BCORL1: variants seen among roughly 807,000 people sequenced by gnomAD.
BCORL1 encodes the protein BCL6 corepressor like 1, also known as BCL-6 corepressor-like protein 1.
Under a neutral mutation model 87.6 loss-of-function variants are expected in BCORL1, and 7 were observed. That is an observed-to-expected ratio of 0.08 (90% CI 0.05 to 0.15). The LOEUF (loss-of-function observed/expected upper bound fraction) is 0.15, where lower values mean the gene tolerates loss of function less well. BCORL1 is among the 10% of genes least tolerant of loss of function. The probability of loss-of-function intolerance (pLI) is 1.00; values close to 1 mark genes in which losing one functional copy is unlikely to be tolerated. For synonymous variants in BCORL1, 591 were observed against 634.4 expected (o/e 0.93, Z 1.03); for missense variants, 1,215 against 1,499.7 (o/e 0.81, Z 3.13).
intron 12 of BCORL1, 65 bp downstream of exon 12, chrX:130,050,859 T>C (rs1034740110): frequency 4.1e-5 from 41 of 990,851 alleles, no homozygotes; most frequent in Non-Finnish European, 5.8e-5. Flanking sequence ...TGTGGTGGTA[T>C]CCCTTCTTCA....
chrX:130,054,585 A>G (rs988865428), intron 13 of BCORL1, among the ~76,000 whole-genome samples: 1 of 110,687 alleles, frequency 9.0e-6, no homozygotes, highest in African/African-American at 3.3e-5. Context: ...CTGGGTGGAC[A>G]TTGGGCTGAA....
chrX:130,055,908 G>A lies in BCORL1; in HGVS notation c.5130G>A (p.Ser1710=), dbSNP rs904492796. ...TCTTGAAGAGGCTGAAGCTTTCCTC[G>A]AGGATCTTTCAGGCCCGGTTCCCGC... ...SDVLKRLKLS[S]RIFQARFPHF... The change falls in exon 14 of 14, where the codon TCG becomes TCA. Residue 1710 remains serine, a synonymous_variant. Coordinates refer to ENST00000540052, the MANE Select transcript of BCORL1 (RefSeq NM_001379451.1). 5.0e-6 allele frequency: 6 copies of A among 1,211,812 alleles called. No homozygotes were observed. The highest frequency in any genetic ancestry group is 5.9e-5 in the East Asian group (2 of 33,847).
chrX:130,050,609 C>G, intron 11 of BCORL1, 108 bp from the exon 12 acceptor site: 7 of 641,874 alleles, frequency 1.1e-5, no homozygotes, highest in Non-Finnish European at 1.8e-5. Context: ...CTCTTGTGGT[C>G]CTTCCTTCCC....
In BCORL1 at chrX:130,056,211, G is replaced by C. The variant is rs1055919357; in HGVS notation, c.*75G>C. On this transcript the variant is annotated 3_prime_UTR_variant, in exon 14 of 14. Coordinates refer to ENST00000540052, the MANE Select transcript of BCORL1 (RefSeq NM_001379451.1). Reference sequence around the variant, plus strand: ...CCCACCTCCTTGTCTTTCCCCGACCGAGCACCAGACTGCAGAATGAGGCAA... The same window carrying C: ...CCCACCTCCTTGTCTTTCCCCGACCCAGCACCAGACTGCAGAATGAGGCAA... The C allele has an allele frequency of 5.9e-6, 6 of 1,021,780 alleles. No homozygotes were observed. The highest frequency in any genetic ancestry group is 7.8e-6 in the Non-Finnish European group (6 of 773,214). 84.2% of individuals were successfully genotyped at this position (1,021,780 alleles called of 1,213,427 possible).
At chrX:130,004,603 C>T (rs1343629853) in intron 1 of BCORL1, among the ~76,000 whole-genome samples, 1 of 111,765 alleles carries the variant, frequency 8.9e-6, no homozygotes, top group African/African-American at 3.3e-5. Flanking sequence ...TGGTGGTCAG[C>T]GTGCAAGGAG....
intron 1 of BCORL1, among the ~76,000 whole-genome samples, chrX:129,985,444 G>A (rs770478116): frequency 9.9e-5 from 11 of 111,528 alleles, no homozygotes; most frequent in Non-Finnish European, 1.7e-4. Context: ...ACAGTATGTA[G>A]GAGAGAAATT....
At position 130,035,182 on chromosome X, in the gene BCORL1, G is replaced by A. The variant is rs148607267; in HGVS notation, c.4527+506G>A. 3.8e-3 allele frequency among the ~76,000 whole-genome samples: 430 copies of A among 112,168 alleles called. 2 individuals carry two copies. Among genetic ancestry groups the A allele is most frequent in the Admixed American group, 8.7e-3 (92 of 10,550 alleles). On this transcript the variant is annotated intron_variant, in intron 9 of 13. Coordinates refer to ENST00000540052, the MANE Select transcript of BCORL1 (RefSeq NM_001379451.1). ...GAGCACTTCTTTTGTCATGTGAAGA[G>A]CCTGATTACTTTGTATCATTTAATC...
At chrX:130,028,586 T>A (rs1187261544) in intron 7 of BCORL1, 49 bp from the exon 8 acceptor site, 4 of 1,090,987 alleles carry the variant, frequency 3.7e-6, no homozygotes, top group Non-Finnish European at 5.0e-6. Context: ...GTTGCTTTTC[T>A]GTGTTCCATT....
intron 1 of BCORL1, among the ~76,000 whole-genome samples, chrX:130,000,595 G>C (rs960770931): frequency 4.5e-5 from 5 of 112,243 alleles, no homozygotes; most frequent in African/African-American, 1.6e-4. Flanking sequence ...CCAGACAGAT[G>C]TTATAGCTGG....
In BCORL1 at chrX:130,057,405, G is replaced by C. The variant is rs188815223; in HGVS notation, c.*1269G>C. On this transcript the variant is annotated 3_prime_UTR_variant, in exon 14 of 14. Coordinates refer to ENST00000540052, the MANE Select transcript of BCORL1 (RefSeq NM_001379451.1). ...GGGCCTCCAGCGCTGGGTTTGTCGA[G>C]TGAGAGAGAGAGAGGAGCTTGGGTT... 9.2e-3 allele frequency: 1,027 copies of C among 112,014 alleles called. 8 individuals are homozygous for C. The highest frequency in any genetic ancestry group is 0.01 in the Non-Finnish European group (548 of 53,157). 9.2% of individuals were successfully genotyped at this position (112,014 alleles called of 1,213,427 possible).
At chrX:130,038,412 A>G (rs1931086783) in intron 10 of BCORL1, among the ~76,000 whole-genome samples, 1 of 109,914 alleles carries the variant, frequency 9.1e-6, no homozygotes, top group Non-Finnish European at 1.9e-5. Context: ...CCTTCTGCTC[A>G]TCTCTGCTCT....
chrX:130,021,353 G>T, intron 5 of BCORL1: 1 of 686,278 alleles, frequency 1.5e-6, no homozygotes, highest in African/African-American at 2.4e-5. Flanking sequence ...CCTCCTGGGT[G>T]CTAGAATAAG....
chrX:129,988,321 G>A (rs1402318590), intron 1 of BCORL1, among the ~76,000 whole-genome samples: 1 of 111,295 alleles, frequency 9.0e-6, no homozygotes, highest in Non-Finnish European at 1.9e-5. Flanking sequence ...TTTCTTTGGC[G>A]AACTGAAGTT....
intron 1 of BCORL1, among the ~76,000 whole-genome samples, chrX:129,993,931 C>G: frequency 1.5e-4 from 1 of 6,669 alleles, no homozygotes; most frequent in African/African-American, 1.6e-4. Flanking sequence ...ATTACAGATG[C>G]CCCCCCACCA....
At position 130,023,498 on chromosome X, in the gene BCORL1, C is replaced by A. The variant is rs191244054; in HGVS notation, c.3688+521C>A. 6.3e-4 allele frequency among the ~76,000 whole-genome samples: 71 copies of A among 112,182 alleles called. 2 individuals are homozygous for A. In the East Asian group the frequency reaches 0.019, roughly 29 times the overall value. On this transcript the variant is annotated intron_variant, in intron 6 of 13. Coordinates refer to ENST00000540052, the MANE Select transcript of BCORL1 (RefSeq NM_001379451.1). Reference sequence around the variant, plus strand: ...GCTAGCCCTTTCTAGCCACCACTACCTTCTGCTAGCCTCCACACTGGTATC... The same window carrying A: ...GCTAGCCCTTTCTAGCCACCACTACATTCTGCTAGCCTCCACACTGGTATC...
chrX:130,056,190 C>T lies in BCORL1; in HGVS notation c.*54C>T. ...TCCTTCCGAGTTCGCCCTTCCCCCACCTCCTTGTCTTTCCCCGACCGAGCA... is the reference window on the plus strand; with the variant it reads ...TCCTTCCGAGTTCGCCCTTCCCCCATCTCCTTGTCTTTCCCCGACCGAGCA... On this transcript the variant is annotated 3_prime_UTR_variant, in exon 14 of 14. Transcript: ENST00000540052. The T allele has an allele frequency of 1.9e-5, 20 of 1,079,315 alleles. No individual in the cohort carries two copies. The highest frequency in any genetic ancestry group is 2.2e-5 in the Non-Finnish European group (18 of 818,853). 88.9% of individuals were successfully genotyped at this position (1,079,315 alleles called of 1,213,427 possible). A position where few individuals can be genotyped will look rare whatever the true frequency, so the allele number is the denominator to read the frequency against.
In BCORL1 at chrX:130,037,478, A is replaced by G; in HGVS notation, c.4639A>G (p.Asn1547Asp). ...ACSRGWTDIL[N>D]ILLEHGANVN... The stretch of plus-strand genomic sequence containing the variant: ...TTCCCGGGGCTGGACCGACATCCTG[A>G]ACATCCTGCTGGAGCACGGGGCCAA... The change falls in exon 10 of 14, where the codon AAC (asparagine) becomes GAC (aspartate). Residue 1547 changes from asparagine to aspartate, a missense_variant. Asn to Asp is a conservative substitution (Grantham distance 23). This residue lies in a region of BCORL1 where 55 missense variants were observed against 115.1 expected (regional missense o/e 0.48). Transcript: ENST00000540052. 2 of 1,211,757 alleles carry G rather than the reference A, an allele frequency of 1.7e-6. No individual in the cohort carries two copies. Among genetic ancestry groups the G allele is most frequent in the Non-Finnish European group, 2.2e-6 (2 of 895,493 alleles).
chrX:130,017,044 A>G (rs1929492546), intron 4 of BCORL1, among the ~76,000 whole-genome samples: 1 of 112,261 alleles, frequency 8.9e-6, no homozygotes, highest in African/African-American at 3.2e-5. Flanking sequence ...CTAAGGGACA[A>G]AATTTCTGGC....
At chrX:130,025,471 C>G in intron 7 of BCORL1, 92 bp downstream of exon 7, 1 of 836,409 alleles carries the variant, frequency 1.2e-6, no homozygotes. Context: ...GCTTCGGGAC[C>G]CAGAGAAACC....
Sources: allele counts gnomAD v4.1 joint callset (sites outside exome capture counted in the v4.1 genomes callset), GRCh38; gene constraint gnomAD v4.1.1; regional missense constraint gnomAD v4.1.1; transcripts MANE v1.5; gene names NCBI Gene and HGNC (gene_info 2026-07-23, HGNC 2026-07-21).